The following HMCN1 variants were observed in gnomAD, a reference collection of about 807,000 sequenced individuals.
HMCN1 encodes the protein hemicentin 1.
HMCN1 carries 321 observed loss-of-function variants against 625.9 expected under a neutral mutation model. That is an observed-to-expected ratio of 0.51 (90% CI 0.47 to 0.56). The LOEUF (loss-of-function observed/expected upper bound fraction) is 0.56, where lower values mean the gene tolerates loss of function less well. Ranked by LOEUF, HMCN1 falls within the 20% of genes least tolerant of loss-of-function variation. The pLI, the probability that HMCN1 is intolerant of heterozygous loss-of-function variation, is 0.00. For synonymous variants in HMCN1, 2,425 were observed against 2,417.6 expected (o/e 1.00, Z -0.09); for missense variants, 6,588 against 6,887.3 (o/e 0.96, Z 1.54).
chr1:186,056,672 C>T (rs545135073), intron 45 of HMCN1, among the ~76,000 whole-genome samples: 5 of 151,994 alleles, frequency 3.3e-5, no homozygotes, highest in Admixed American at 6.6e-5. Context: ...CATGTTCTCA[C>T]TTATAAGTGG....
Position 186,130,657 on chromosome 1 carries a change from G to A in HMCN1, c.13190G>A (p.Arg4397Gln), listed in dbSNP as rs368815116. Residue 4397 changes from arginine to glutamine, a missense_variant, in exon 85 of 107, where the codon CGG becomes CAG. Arg to Gln is a conservative substitution (Grantham distance 43). Around this residue, in one of 3 missense-constraint regions of HMCN1, gnomAD observed 1,954 missense variants for 2,013.1 expected, o/e 0.97. Coordinates refer to ENST00000271588, the MANE Select transcript of HMCN1 (RefSeq NM_031935.3). ...GVDIEISHRI[R>Q]QLGNGSLAIY... The stretch of plus-strand genomic sequence containing the variant: ...GATATTGAAATTAGCCACAGAATCC[G>A]GCAACTGGGCAATGGCTCCCTGGCC... The A allele has an allele frequency of 9.1e-5, 146 of 1,613,248 alleles. No homozygotes were observed. Among genetic ancestry groups the A allele is most frequent in the South Asian group, 6.9e-4 (63 of 91,058 alleles).
chr1:185,924,129 G>C (rs1331641903), intron 8 of HMCN1, among the ~76,000 whole-genome samples: 1 of 145,746 alleles, frequency 6.9e-6, no homozygotes, highest in African/African-American at 2.5e-5. Context: ...TTACAGGTGA[G>C]ATATTATTTG....
chr1:186,099,240 A>G (rs1256285742), intron 68 of HMCN1, among the ~76,000 whole-genome samples: 3 of 152,138 alleles, frequency 2.0e-5, no homozygotes, highest in Admixed American at 6.6e-5. Flanking sequence ...TACACAATGT[A>G]TACATGTATG....
At chr1:186,111,337 A>C (rs1349904347) in intron 71 of HMCN1, among the ~76,000 whole-genome samples, 1 of 152,112 alleles carries the variant, frequency 6.6e-6, no homozygotes, top group Non-Finnish European at 1.5e-5. Flanking sequence ...ACTGATATTC[A>C]TGGAAGAAAA....
At chr1:186,040,428 T>C (rs1008619129) in intron 39 of HMCN1, among the ~76,000 whole-genome samples, 1 of 152,174 alleles carries the variant, frequency 6.6e-6, no homozygotes, top group Non-Finnish European at 1.5e-5. Context: ...ATATACCTAA[T>C]ATAAAGTTTA....
intron 36 of HMCN1, among the ~76,000 whole-genome samples, chr1:186,023,715 T>G (rs1358111708): frequency 6.6e-6 from 1 of 152,220 alleles, no homozygotes. Context: ...GGTTGGACTT[T>G]CCTAATTTAG....
chr1:186,154,019 TG>T (rs769695277), intron 97 of HMCN1, 32 bp downstream of exon 97: 10 of 1,546,686 alleles, frequency 6.5e-6, no homozygotes, highest in Non-Finnish European at 8.9e-6. Flanking sequence ...CATATCTTTA[TG>T]CCATCCAGTC....
chr1:186,064,552 G>A (rs1025362544), intron 48 of HMCN1, among the ~76,000 whole-genome samples: 3 of 152,186 alleles, frequency 2.0e-5, no homozygotes, highest in African/African-American at 7.2e-5. Context: ...GCTCACGCCT[G>A]TAATCCCAGC....
intron 93 of HMCN1, among the ~76,000 whole-genome samples, chr1:186,147,643 G>A (rs1044303266): frequency 3.3e-5 from 5 of 152,122 alleles, no homozygotes; most frequent in South Asian, 4.1e-4. Context: ...CCACAAGGAA[G>A]TGAATATTGC....
intron 11 of HMCN1, among the ~76,000 whole-genome samples, chr1:185,934,895 A>C (rs1667734870): frequency 6.6e-6 from 1 of 152,182 alleles, no homozygotes; most frequent in Admixed American, 6.5e-5. Context: ...AAAATGGTTG[A>C]CATCTGATTA....
chr1:185,935,219 C>A (rs1322361), intron 11 of HMCN1, among the ~76,000 whole-genome samples: 7,246 of 151,476 alleles, frequency 0.048, 412 homozygotes, highest in African/African-American at 0.13. Context: ...CCTTGTTTCT[C>A]CACGTTAACG....
intron 1 of HMCN1, among the ~76,000 whole-genome samples, chr1:185,787,063 T>G (rs1312149149): frequency 6.6e-6 from 1 of 152,112 alleles, no homozygotes; most frequent in African/African-American, 2.4e-5. Context: ...TTTGAACCTA[T>G]GAGGTGAATG....
intron 1 of HMCN1, among the ~76,000 whole-genome samples, chr1:185,831,600 G>A (rs1265782932): frequency 6.6e-6 from 1 of 152,106 alleles, no homozygotes; most frequent in African/African-American, 2.4e-5. Flanking sequence ...CAGTTTCTAT[G>A]ATTGTGTATC....
chr1:186,151,486 G>A, intron 94 of HMCN1, 120 bp from the exon 95 acceptor site: 2 of 1,265,180 alleles, frequency 1.6e-6, no homozygotes, highest in Non-Finnish European at 2.3e-6. Context: ...ATGAGGTACT[G>A]GTATTTGTTT....
chr1:185,763,901 C>T (rs181516852), intron 1 of HMCN1, among the ~76,000 whole-genome samples: 1 of 152,274 alleles, frequency 6.6e-6, no homozygotes, highest in Admixed American at 6.5e-5. Context: ...ATAAGACAAT[C>T]TCACATCATA....
intron 97 of HMCN1, among the ~76,000 whole-genome samples, chr1:186,163,333 G>A (rs755164182): frequency 8.5e-5 from 13 of 152,188 alleles, no homozygotes; most frequent in African/African-American, 1.7e-4. Flanking sequence ...GACTAGGAAC[G>A]GGAACTCCCT....
At chr1:185,791,491 G>T (rs895556141) in intron 1 of HMCN1, among the ~76,000 whole-genome samples, 6 of 151,842 alleles carry the variant, frequency 4.0e-5, no homozygotes, top group Admixed American at 3.9e-4. Context: ...AGGACGAGGC[G>T]GGTGGATCAC....
intron 4 of HMCN1, among the ~76,000 whole-genome samples, chr1:185,905,194 C>T (rs529046160): frequency 6.6e-6 from 1 of 151,818 alleles, no homozygotes; most frequent in Non-Finnish European, 1.5e-5. Context: ...ACATTTAACT[C>T]CAGGGAAAGA....
chr1:185,921,531 T>C (rs367638163), intron 6 of HMCN1, among the ~76,000 whole-genome samples: 1 of 152,172 alleles, frequency 6.6e-6, no homozygotes, highest in East Asian at 1.9e-4. Context: ...AATTTATATA[T>C]ATATACTTCC....
Sources: allele counts gnomAD v4.1 joint callset (sites outside exome capture counted in the v4.1 genomes callset), GRCh38; gene constraint gnomAD v4.1.1; regional missense constraint gnomAD v4.1.1; transcripts MANE v1.5; gene names NCBI Gene and HGNC (gene_info 2026-07-23, HGNC 2026-07-21).